The following SUCLG2 variants were observed in gnomAD, a reference collection of about 807,000 sequenced individuals.
SUCLG2 encodes succinate-CoA ligase GDP-forming subunit beta, also known as succinate--CoA ligase [GDP-forming] subunit beta, mitochondrial.
SUCLG2 carries 42 observed loss-of-function variants against 47.9 expected under a neutral mutation model. That is an observed-to-expected ratio of 0.88 (90% confidence interval 0.69 to 1.14). The LOEUF (loss-of-function observed/expected upper bound fraction) is 1.14, where lower values mean the gene tolerates loss of function less well. Among genes scored for constraint, SUCLG2 ranks in the 50% most tolerant of loss-of-function variants. The pLI is 0.00. For synonymous variants in SUCLG2, 195 were observed against 197.3 expected (o/e 0.99, Z 0.10); for missense variants, 571 against 525.9 (o/e 1.09, Z -0.84).
At chr3:67,543,238 T>G (rs539591928) in intron 2 of SUCLG2, among the ~76,000 whole-genome samples, 37 of 152,336 alleles carry the variant, frequency 2.4e-4, no homozygotes, top group Non-Finnish European at 4.3e-4. Context: ...AGTATATTTT[T>G]AAGTGTAAAT....
At chr3:67,511,264 T>C (rs997901308) in intron 6 of SUCLG2, among the ~76,000 whole-genome samples, 2 of 152,206 alleles carry the variant, frequency 1.3e-5, no homozygotes, top group Non-Finnish European at 2.9e-5. Flanking sequence ...TATTTTCCAA[T>C]TCACAATCAT....
intron 2 of SUCLG2, among the ~76,000 whole-genome samples, chr3:67,544,508 A>G (rs997429376): frequency 6.6e-6 from 1 of 152,172 alleles, no homozygotes; most frequent in Non-Finnish European, 1.5e-5. Context: ...CCATGATTGT[A>G]AGTTTCCTGA....
At chr3:67,651,880 CTGAT>C (rs1433454062) in intron 1 of SUCLG2, among the ~76,000 whole-genome samples, 1 of 152,174 alleles carries the variant, frequency 6.6e-6, no homozygotes, top group African/African-American at 2.4e-5. Context: ...ATGACCCTGA[CTGAT>C]TTTCTTCACA....
In SUCLG2 at chr3:67,508,267, C is replaced by T. The variant is rs569771835; in HGVS notation, c.757+540G>A. ...TATACAGATTTAGGCAAACTAAAGA[C>T]GTTCGAAAAGTTCCAGTTCCATAAA... On this transcript the variant is annotated intron_variant, in intron 7 of 10. Transcript: ENST00000307227. 5.5e-4 allele frequency among the ~76,000 whole-genome samples: 84 copies of T among 152,210 alleles called. 1 individual carries two copies. The highest frequency in any genetic ancestry group is 3.7e-3 in the East Asian group (19 of 5,176).
intron 2 of SUCLG2, among the ~76,000 whole-genome samples, chr3:67,556,287 A>G (rs578072116): frequency 3.3e-5 from 5 of 152,278 alleles, no homozygotes; most frequent in African/African-American, 1.2e-4. Flanking sequence ...GCAGCAGTGC[A>G]TCAACACTGT....
intron 2 of SUCLG2, among the ~76,000 whole-genome samples, chr3:67,584,364 T>C (rs1484191821): frequency 1.3e-5 from 2 of 152,174 alleles, no homozygotes; most frequent in African/African-American, 2.4e-5. Flanking sequence ...TGCAGATTAA[T>C]GGTTGCTGGG....
chr3:67,480,005 G>A (rs1035585510), intron 9 of SUCLG2, among the ~76,000 whole-genome samples: 3 of 152,134 alleles, frequency 2.0e-5, no homozygotes, highest in Non-Finnish European at 4.4e-5. Context: ...TTTTGAAACA[G>A]AAATAGAAGA....
chr3:67,605,737 G>C (rs1044391478), intron 2 of SUCLG2, among the ~76,000 whole-genome samples: 4 of 151,992 alleles, frequency 2.6e-5, no homozygotes, highest in African/African-American at 9.7e-5. Context: ...TATCCAGCTT[G>C]ATTTTGTCAA....
chr3:67,647,517 T>C (rs1701212970), intron 1 of SUCLG2, among the ~76,000 whole-genome samples: 1 of 152,242 alleles, frequency 6.6e-6, no homozygotes, highest in African/African-American at 2.4e-5. Context: ...GGCAGTAGTT[T>C]GTGCTAAGCA....
chr3:67,559,385 T>C (rs1010985626), intron 2 of SUCLG2, among the ~76,000 whole-genome samples: 4 of 152,118 alleles, frequency 2.6e-5, no homozygotes, highest in Non-Finnish European at 5.9e-5. Flanking sequence ...AAACTTACAA[T>C]CATGGCAGAA....
chr3:67,608,464 G>A (rs955424579), intron 2 of SUCLG2, among the ~76,000 whole-genome samples: 1 of 152,018 alleles, frequency 6.6e-6, no homozygotes, highest in African/African-American at 2.4e-5. Context: ...AGTTAACATG[G>A]ATCACAATTT....
intron 9 of SUCLG2, among the ~76,000 whole-genome samples, chr3:67,412,280 T>A (rs947356818): frequency 1.2e-4 from 18 of 152,210 alleles, no homozygotes; most frequent in Non-Finnish European, 2.4e-4. Flanking sequence ...AATCATTGAT[T>A]GGCCACACCT....
intron 9 of SUCLG2, among the ~76,000 whole-genome samples, chr3:67,437,774 TA>T: frequency 6.6e-6 from 1 of 152,140 alleles, no homozygotes; most frequent in Non-Finnish European, 1.5e-5. Flanking sequence ...ATGATTATGA[TA>T]AAAAATTATA....
At chr3:67,633,449 A>G (rs1335157374) in intron 1 of SUCLG2, among the ~76,000 whole-genome samples, 4 of 152,244 alleles carry the variant, frequency 2.6e-5, no homozygotes, top group Admixed American at 6.5e-5. Context: ...GTTCTAAACC[A>G]AAAGTCAGAG....
chr3:67,446,776 A>G (rs934419319), intron 9 of SUCLG2, among the ~76,000 whole-genome samples: 2 of 151,958 alleles, frequency 1.3e-5, no homozygotes, highest in African/African-American at 4.8e-5. Flanking sequence ...CACTCAAAGA[A>G]TGTTGGTCAT....
rs183760989 is a variant in SUCLG2, at chr3:67,431,438, T to C, written c.1063-30587A>G. Reference sequence around the variant, plus strand: ...CTAAAAACTCTCAGTGAACTAGGTATTGATGTTTACTGTGACACTATTCAC... The same window carrying C: ...CTAAAAACTCTCAGTGAACTAGGTACTGATGTTTACTGTGACACTATTCAC... On this transcript the variant is annotated intron_variant, in intron 9 of 10. Transcript: ENST00000307227. Among the ~76,000 whole-genome samples the C allele has an allele frequency of 1.8e-3, 281 of 152,282 alleles. 1 individual carries two copies. Among genetic ancestry groups the C allele is most frequent in the African/African-American group, 6.1e-3 (255 of 41,558 alleles).
intron 9 of SUCLG2, among the ~76,000 whole-genome samples, chr3:67,463,302 T>A (rs1236146276): frequency 6.6e-6 from 1 of 152,248 alleles, no homozygotes; most frequent in Non-Finnish European, 1.5e-5. Flanking sequence ...TGTTAATTCC[T>A]TATTATTACC....
chr3:67,370,199 G>A (rs1305759325), downstream of SUCLG2, among the ~76,000 whole-genome samples: 1 of 152,062 alleles, frequency 6.6e-6, no homozygotes, highest in Non-Finnish European at 1.5e-5. Flanking sequence ...TTATTTAACT[G>A]AATGTTTAAA....
intron 1 of SUCLG2, among the ~76,000 whole-genome samples, chr3:67,653,040 C>G (rs910449348): frequency 5.9e-5 from 9 of 152,220 alleles, no homozygotes; most frequent in African/African-American, 2.2e-4. Context: ...TCTCCCCAAC[C>G]AGATTTTCTC....
Sources: allele counts gnomAD v4.1 joint callset (sites outside exome capture counted in the v4.1 genomes callset), GRCh38; gene constraint gnomAD v4.1.1; transcripts MANE v1.5; gene names NCBI Gene and HGNC (gene_info 2026-07-23, HGNC 2026-07-21).